POLA2: variants seen among roughly 807,000 people sequenced by gnomAD.
POLA2 encodes the protein DNA polymerase alpha 2, accessory subunit, also known as DNA polymerase alpha subunit B.
A neutral mutation model predicts 82.8 loss-of-function variants in POLA2; 47 were observed. The observed-to-expected ratio is 0.57, with a 90% CI of 0.45 to 0.72. The LOEUF is 0.72. Among genes scored for constraint, POLA2 ranks in the 30% least tolerant of loss-of-function variants. The probability of loss-of-function intolerance (pLI) is 0.00; values close to 1 mark genes in which losing one functional copy is unlikely to be tolerated. For missense variants in POLA2, 634 were observed against 728.1 expected, an observed-to-expected ratio of 0.87 and a Z score of 1.49; for synonymous variants, 287 against 286.8, an observed-to-expected ratio of 1.00 and a Z score of -0.01.
At chr11:65,271,132 G>A (rs1463181208) in intron 4 of POLA2, among the ~76,000 whole-genome samples, 5 of 152,152 alleles carry the variant, frequency 3.3e-5, no homozygotes, top group Admixed American at 3.3e-4. Context: ...CACCAAACAT[G>A]TTATATACTT....
chr11:65,279,107 C>T (rs137907460), intron 6 of POLA2, among the ~76,000 whole-genome samples, 184 bp downstream of exon 6: 3 of 152,232 alleles, frequency 2.0e-5, no homozygotes, highest in African/African-American at 7.2e-5. Flanking sequence ...AGTGATTGCC[C>T]CAAGTCACTT....
chr11:65,264,500 C>G (rs1187498830), intron 1 of POLA2, among the ~76,000 whole-genome samples: 1 of 152,210 alleles, frequency 6.6e-6, no homozygotes, highest in Non-Finnish European at 1.5e-5. Context: ...GGCCCCTGGT[C>G]TCTTTACTCT....
chr11:65,263,179 G>A (rs1949418436), intron 1 of POLA2, among the ~76,000 whole-genome samples: 1 of 149,474 alleles, frequency 6.7e-6, no homozygotes. Flanking sequence ...TCAGAAACCA[G>A]AATACTTCAA....
chr11:65,297,297 G>C lies in POLA2; in HGVS notation c.*28G>C. On this transcript the variant is annotated 3_prime_UTR_variant, in exon 18 of 18. Coordinates refer to ENST00000265465, the MANE Select transcript of POLA2 (RefSeq NM_002689.4). ...CTTCTGTCCTCTGCTGTTCTCTGCT[G>C]TGTGGGCCCTTAAAGTCTTAGCCAA... is the stretch of plus-strand genomic sequence containing the variant. 1 of 1,557,316 alleles carries C rather than the reference G, an allele frequency of 6.4e-7. No individual in the cohort carries two copies. Among genetic ancestry groups the C allele is most frequent in the Middle Eastern group, 1.8e-4 (1 of 5,632 alleles).
intron 15 of POLA2, 47 bp from the exon 16 acceptor site, chr11:65,295,493 G>A: frequency 6.6e-7 from 1 of 1,504,692 alleles, no homozygotes; most frequent in Admixed American, 1.7e-5. Context: ...GAAGAGAAAT[G>A]GGCTGAAAAA....
chr11:65,281,745 AC>A lies in POLA2; in HGVS notation c.963+18del, dbSNP rs766988578. ...CAAACTCTACGAGGTACACAGCAGT[AC>A]CCCCACTTGCCTCTTGGTTTGCTTC... On this transcript the variant is annotated intron_variant, in intron 9 of 17. Coordinates refer to ENST00000265465, the MANE Select transcript of POLA2 (RefSeq NM_002689.4). 5.6e-6 allele frequency: 9 copies of A among 1,607,230 alleles called. No individual in the cohort carries two copies. The highest frequency in any genetic ancestry group is 7.7e-6 in the Non-Finnish European group (9 of 1,173,754).
At chr11:65,300,236 C>G (rs1420516624), downstream of POLA2, among the ~76,000 whole-genome samples, 1 of 151,698 alleles carries the variant, frequency 6.6e-6, no homozygotes, top group Non-Finnish European at 1.5e-5. Context: ...GCTCTTGTCA[C>G]CCAGGCTGGA....
intron 13 of POLA2, among the ~76,000 whole-genome samples, chr11:65,293,304 C>G (rs957926006): frequency 6.6e-6 from 1 of 152,058 alleles, no homozygotes; most frequent in African/African-American, 2.4e-5. Context: ...AGGGTTTCAG[C>G]TGGATCTTCT....
chr11:65,295,759 G>A lies in POLA2; in HGVS notation c.1521-105G>A, dbSNP rs373818757. ...GCCCCACACACACAGAGAAAAAGTC[G>A]GTCTGTGGATGCCAGCAGCACGAAA... On this transcript the variant is annotated intron_variant, in intron 16 of 17. Coordinates refer to ENST00000265465, the MANE Select transcript of POLA2 (RefSeq NM_002689.4). The A allele has an allele frequency of 1.0e-4, 150 of 1,431,788 alleles. No homozygotes were observed. The East Asian group carries it at 2.3e-3, about 22-fold the overall frequency. 88.7% of individuals were successfully genotyped at this position (1,431,788 alleles called of 1,614,324 possible).
intron 10 of POLA2, among the ~76,000 whole-genome samples, chr11:65,286,916 G>T (rs1290588627): frequency 6.6e-6 from 1 of 152,158 alleles, no homozygotes; most frequent in Non-Finnish European, 1.5e-5. Context: ...CAAGATGAGA[G>T]CCCAGGAACT....
chr11:65,294,741 A>G (rs747331745), intron 15 of POLA2, 89 bp downstream of exon 15: 15 of 873,942 alleles, frequency 1.7e-5, no homozygotes, highest in African/African-American at 3.3e-5. Flanking sequence ...GGGCTGCTTA[A>G]CGGTCTTGAC....
chr11:65,282,487 ACTTC>A lies in POLA2; in HGVS notation c.974_977del (p.Leu325HisfsTer38). On this transcript the variant is annotated frameshift_variant, in exon 10 of 18. Coordinates refer to ENST00000265465, the MANE Select transcript of POLA2 (RefSeq NM_002689.4). LOFTEE classifies it high-confidence loss of function. ...TTTTCCCCTGTTTTTAGGGTGTGCC[ACTTC>A]CATTTTATCAGCCCACTGAAGAGGA... is the stretch of plus-strand genomic sequence containing the variant. 6.2e-7 allele frequency: 1 copy of A among 1,613,734 alleles called. No homozygotes were observed. Among genetic ancestry groups the A allele is most frequent in the Non-Finnish European group, 8.5e-7 (1 of 1,179,700 alleles).
At position 65,262,068 on chromosome 11, in the gene POLA2, T is replaced by C. The variant is rs1565460763; in HGVS notation, c.-225T>C. 3.6e-6 allele frequency: 2 copies of C among 558,474 alleles called. No homozygotes were observed. Among genetic ancestry groups the C allele is most frequent in the Non-Finnish European group, 6.3e-6 (2 of 315,592 alleles). 34.6% of individuals were successfully genotyped at this position (558,474 alleles called of 1,614,324 possible). A position where few individuals can be genotyped will look rare whatever the true frequency, so the allele number is the denominator to read the frequency against. ...TTTCTGCTCCCTCCATTCAGGGCGTTTGGGAGCCACCCCTTCATTTTTTAA... is the reference window on the plus strand; with the variant it reads ...TTTCTGCTCCCTCCATTCAGGGCGTCTGGGAGCCACCCCTTCATTTTTTAA... On this transcript the variant is annotated 5_prime_UTR_variant, in exon 1 of 18. Transcript: ENST00000265465.
chr11:65,265,832 T>C (rs1949454231), intron 1 of POLA2, among the ~76,000 whole-genome samples: 1 of 152,222 alleles, frequency 6.6e-6, no homozygotes. Context: ...GCTTTGCCGA[T>C]TCATCCTCAG....
At chr11:65,267,113 G>C (rs1017163733) in intron 2 of POLA2, among the ~76,000 whole-genome samples, 1 of 152,170 alleles carries the variant, frequency 6.6e-6, no homozygotes, top group Non-Finnish European at 1.5e-5. Context: ...AGCTGAGGAA[G>C]GAGAATCGCT....
In POLA2 at chr11:65,280,208, A is replaced by G. The variant is rs556109574; in HGVS notation, c.744+582A>G. Among the ~76,000 whole-genome samples the G allele has an allele frequency of 2.1e-4, 32 of 152,364 alleles. 1 individual carries two copies. The South Asian group carries it at 5.2e-3, about 25-fold the overall frequency. ...TGATCAGTTGGGGAAGTGATGCAGA[A>G]CTGTGTCATAGAAGGAAGTGTTAGA... On this transcript the variant is annotated intron_variant, in intron 7 of 17. Coordinates refer to ENST00000265465, the MANE Select transcript of POLA2 (RefSeq NM_002689.4).
At chr11:65,285,591 GAAAAAGAAA>G (rs1207096175) in intron 10 of POLA2, among the ~76,000 whole-genome samples, 19 of 145,922 alleles carry the variant, frequency 1.3e-4, no homozygotes, top group Non-Finnish European at 6.1e-5. Context: ...AAAAAAAAAA[GAAAAAGAAA>G]AAAAAGAAAA....
chr11:65,274,518 A>G (rs978224348), intron 4 of POLA2, among the ~76,000 whole-genome samples: 1 of 151,816 alleles, frequency 6.6e-6, no homozygotes, highest in Non-Finnish European at 1.5e-5. Flanking sequence ...CATCTCTACT[A>G]AAGATACAAA....
intron 8 of POLA2, among the ~76,000 whole-genome samples, chr11:65,303,875 G>C (rs1313643710): frequency 6.6e-6 from 1 of 152,188 alleles, no homozygotes; most frequent in Non-Finnish European, 1.5e-5. Context: ...TGCAGGTTGG[G>C]GGTCTCTCCT....
Sources: gnomAD v4.1 joint callset for allele counts (sites outside exome capture counted in the v4.1 genomes callset) on GRCh38, gnomAD v4.1.1 for gene constraint, MANE v1.5 for transcripts, NCBI Gene and HGNC (gene_info 2026-07-23, HGNC 2026-07-21) for gene names.